The following PAGE3 variants were observed in gnomAD, a reference collection of about 807,000 sequenced individuals.
The protein encoded by PAGE3 is P antigen family member 3.
A neutral mutation model predicts 3.8 loss-of-function variants in PAGE3; 9 were observed. The observed-to-expected ratio is 2.36, with a 90% CI of 1.42 to 4.12. PAGE3 has a LOEUF of 4.12. Among genes scored for constraint, PAGE3 ranks in the 30% most tolerant of loss-of-function variants. The probability of loss-of-function intolerance (pLI) is 0.00; values close to 1 mark genes in which losing one functional copy is unlikely to be tolerated. For synonymous variants in PAGE3, 24 were observed against 13.1 expected (o/e 1.83, Z -1.79); for missense variants, 73 against 37.8 (o/e 1.93, Z -2.44).
At chrX:55,262,656 G>A (rs1938306762) in intron 3 of PAGE3, among the ~76,000 whole-genome samples, 1 of 103,680 alleles carries the variant, frequency 9.6e-6, no homozygotes, top group Non-Finnish European at 1.9e-5. Context: ...TTATCAAGTG[G>A]GATTTATATT....
At position 55,263,314 on chromosome X, in the gene PAGE3, G is replaced by T. The variant is rs1182005651; in HGVS notation, c.130C>A (p.Pro44Thr). ...GGTGTATAATCCTGACTTTCAATTG[G>T]TGGTTCCTCTTGTTGAAGCTGGTCA... is the stretch of plus-strand genomic sequence containing the variant. The part of the protein sequence containing the change: ...SNDQLQQEEP[P>T]IESQDYTPGQ... The change falls in exon 3 of 5, where the codon CCA (proline) becomes ACA (threonine). Residue 44 changes from proline to threonine, a missense_variant. Coordinates refer to ENST00000374951, the MANE Select transcript of PAGE3 (RefSeq NM_001017931.3). The T allele has an allele frequency of 1.8e-6, 1 of 567,748 alleles. No homozygotes were observed. Among genetic ancestry groups the T allele is most frequent in the Non-Finnish European group, 3.2e-6 (1 of 308,856 alleles). The allele number at this position is 567,748 out of a possible 1,213,427, so 46.8% of individuals were successfully genotyped here.
intron 3 of PAGE3, among the ~76,000 whole-genome samples, chrX:55,262,703 GATATATATAT>G (rs10534339): frequency 0.49 from 44,320 of 90,823 alleles, 10,071 homozygotes; most frequent in Non-Finnish European, 0.65. Context: ...TGTTACATAT[GATATATATAT>G]ATATATATAT....
Sources: allele counts gnomAD v4.1 joint callset (sites outside exome capture counted in the v4.1 genomes callset), GRCh38; gene constraint gnomAD v4.1.1; transcripts MANE v1.5; gene names NCBI Gene and HGNC (gene_info 2026-07-23, HGNC 2026-07-21).